Variants in NLRC5 observed in about 807,000 individuals in gnomAD.
The protein encoded by NLRC5 is protein NLRC5.
In NLRC5, 114 loss-of-function variants were observed where a neutral mutation model predicts 206.9. The ratio of observed to expected loss-of-function variants is 0.55; its 90% CI spans 0.47 to 0.64. The LOEUF is 0.64. NLRC5 is among the 30% of genes least tolerant of loss of function. The probability of loss-of-function intolerance (pLI) is 0.00; values close to 1 mark genes in which losing one functional copy is unlikely to be tolerated. For synonymous variants in NLRC5, 952 were observed against 962.8 expected, an observed-to-expected ratio of 0.99 and a Z score of 0.21; for missense variants, 2,008 against 2,305.5, an observed-to-expected ratio of 0.87 and a Z score of 2.64.
chr16:57,077,280 T>C lies in NLRC5; in HGVS notation c.4836-16T>C. ...TGAGACGGCAGAAGGCTGATGAAGC[T>C]GTTTTCTCCCCCAAGCTTGAGCCAC... On this transcript the variant is annotated splice_polypyrimidine_tract_variant and intron_variant, in intron 40 of 48. Coordinates refer to ENST00000688547, the MANE Select transcript of NLRC5 (RefSeq NM_001384950.1). 6.2e-7 allele frequency: 1 copy of C among 1,611,864 alleles called. No homozygotes were observed. Among genetic ancestry groups the C allele is most frequent in the Non-Finnish European group, 8.5e-7 (1 of 1,177,986 alleles).
At chr16:57,010,475 A>C (rs544340693) in intron 1 of NLRC5, among the ~76,000 whole-genome samples, 6 of 152,308 alleles carry the variant, frequency 3.9e-5, no homozygotes, top group African/African-American at 1.4e-4. Flanking sequence ...CCTGGGCTCA[A>C]GCAATCCTCT....
At position 57,057,975 on chromosome 16, in the gene NLRC5, T is replaced by C; in HGVS notation, c.3747-90T>C. 4.9e-6 allele frequency: 5 copies of C among 1,012,008 alleles called. No homozygotes were observed. The South Asian group carries it at 6.8e-5, about 14-fold the overall frequency. The allele number at this position is 1,012,008 out of a possible 1,614,324, so 62.7% of individuals were successfully genotyped here. On this transcript the variant is annotated intron_variant, in intron 27 of 48. Coordinates refer to ENST00000688547, the MANE Select transcript of NLRC5 (RefSeq NM_001384950.1). ...ACCCTGACATGGGGTCCAGTAGCAG[T>C]GACAGTGGATGCAGGCTCCTGGTGA...
intron 32 of NLRC5, among the ~76,000 whole-genome samples, chr16:57,063,745 CT>C (rs746703214): frequency 1.5e-4 from 22 of 147,300 alleles, no homozygotes; most frequent in Non-Finnish European, 2.0e-4. Context: ...CCCAAAATAA[CT>C]TTTTTTTTTT....
chr16:57,021,204 C>T, intron 3 of NLRC5, 197 bp downstream of exon 3: 1 of 557,020 alleles, frequency 1.8e-6, no homozygotes, highest in Non-Finnish European at 3.2e-6. Flanking sequence ...ACCCCTCCTT[C>T]TACCTGGCTT....
rs922213847 is a variant in NLRC5, at chr16:57,027,147, A to G, written c.2075+129A>G. 8.9e-6 allele frequency: 10 copies of G among 1,123,532 alleles called. No homozygotes were observed. The East Asian group carries it at 1.7e-4, about 20-fold the overall frequency. The allele number at this position is 1,123,532 out of a possible 1,614,324, so 69.6% of individuals were successfully genotyped here. A position where few individuals can be genotyped will look rare whatever the true frequency, so the allele number is the denominator to read the frequency against. ...GAATATCAGAACATAATGGCCTGCA[A>G]TGCAAGAGAGGAAGCTCCATACCTT... On this transcript the variant is annotated intron_variant, in intron 6 of 48. Coordinates refer to ENST00000688547, the MANE Select transcript of NLRC5 (RefSeq NM_001384950.1).
Position 57,061,448 on chromosome 16 carries a change from G to T in NLRC5, c.3987G>T (p.Arg1329Ser). Residue 1329 changes from arginine to serine, a missense_variant and splice_region_variant, in exon 31 of 49, where the codon AGG (arginine) becomes AGT (serine). Arg to Ser is a moderately radical substitution (Grantham distance 110, BLOSUM62 -1). Transcript: ENST00000688547. ...SREDQAGKTL[R>S]LSECSFRPEH... ...CTCTGCCCTGGCTTTCTGCCCTCAG[G>T]CTAAGTGAGTGCAGCTTCCGGCCAG... 1 of 1,611,020 alleles carries T rather than the reference G, an allele frequency of 6.2e-7. No homozygotes were observed.
intron 27 of NLRC5, 50 bp from the exon 28 acceptor site, chr16:57,058,015 A>AGGCTGAGGAGGCACCTCT (rs781690764): frequency 1.4e-6 from 2 of 1,452,396 alleles, no homozygotes; most frequent in South Asian, 2.3e-5. Flanking sequence ...GGAGCATCTC[A>AGGCTGAGGAGGCACCTCT]GGCTGAGGAG....
intron 15 of NLRC5, 34 bp downstream of exon 15, chr16:57,037,318 C>G (rs1343330015): frequency 2.5e-6 from 4 of 1,578,000 alleles, no homozygotes; most frequent in East Asian, 2.2e-5. Flanking sequence ...TACCCATCCC[C>G]CCCCCCATCA....
At chr16:56,996,001 C>A (rs564074265) in intron 1 of NLRC5, among the ~76,000 whole-genome samples, 33 of 152,138 alleles carry the variant, frequency 2.2e-4, no homozygotes, top group Non-Finnish European at 4.0e-4. Context: ...TTCTTCCAGA[C>A]TAGTGAAAGA....
At chr16:57,006,054 G>T (rs2058862570) in intron 1 of NLRC5, among the ~76,000 whole-genome samples, 1 of 151,814 alleles carries the variant, frequency 6.6e-6, no homozygotes. Context: ...CTGGAGTGCA[G>T]GGATGCAATC....
At chr16:57,052,619 A>G (rs945124854) in intron 24 of NLRC5, 9 of 152,206 alleles carry the variant, frequency 5.9e-5, no homozygotes, top group African/African-American at 2.2e-4. Flanking sequence ...TGTTAATAAC[A>G]TCGGTGCAAA....
At chr16:57,024,102 C>T (rs117888608) in intron 5 of NLRC5, among the ~76,000 whole-genome samples, 1 of 152,232 alleles carries the variant, frequency 6.6e-6, no homozygotes, top group Non-Finnish European at 1.5e-5. Context: ...GCTGAAGGAG[C>T]TGGAAGCACC....
chr16:57,035,144 G>A (rs368689112), intron 13 of NLRC5, among the ~76,000 whole-genome samples: 8 of 152,240 alleles, frequency 5.3e-5, no homozygotes, highest in South Asian at 2.1e-4. Context: ...GCCTGGTTAC[G>A]CAGCCACCTC....
At chr16:57,015,944 A>AAAAAAAAAAAAAAAAG (rs1567531360) in intron 1 of NLRC5, among the ~76,000 whole-genome samples, 1 of 120,176 alleles carries the variant, frequency 8.3e-6, no homozygotes, top group Non-Finnish European at 1.8e-5. Flanking sequence ...AAAAAAAAAA[A>AAAAAAAAAAAAAAAAG]AAAAGAAAGA....
At position 57,009,020 on chromosome 16, in the gene NLRC5, C is replaced by T. The variant is rs192123195; in HGVS notation, c.-127-8054C>T. Among the ~76,000 whole-genome samples the T allele has an allele frequency of 3.3e-3, 503 of 152,262 alleles. 2 individuals carry two copies. Among genetic ancestry groups the T allele is most frequent in the African/African-American group, 0.011 (462 of 41,548 alleles). On this transcript the variant is annotated intron_variant, in intron 1 of 48. Transcript: ENST00000688547. ...AAATTATAAGAAAATAGGCCGTGCA[C>T]GGTGGCTCACGCCTGTAATCCCAGC...
At chr16:57,042,306 C>A (rs1367651566) in intron 19 of NLRC5, among the ~76,000 whole-genome samples, 1 of 152,222 alleles carries the variant, frequency 6.6e-6, no homozygotes, top group Non-Finnish European at 1.5e-5. Flanking sequence ...GTCTCCGCAT[C>A]TCTGAACAGG....
In NLRC5 at chr16:57,026,600, G is replaced by T; in HGVS notation, c.1657G>T (p.Ala553Ser). Residue 553 changes from alanine to serine, a missense_variant, in exon 6 of 49, where the codon GCT becomes TCT. Coordinates refer to ENST00000688547, the MANE Select transcript of NLRC5 (RefSeq NM_001384950.1). ...TTCCCGCTGGGTACAGCGGACCAAA[G>T]CTAGACTGGGCCTCTCAGACCACCT... ...LHSRWVQRTK[A>S]RLGLSDHLPT... 6.2e-7 allele frequency: 1 copy of T among 1,614,198 alleles called. No individual in the cohort carries two copies. The highest frequency in any genetic ancestry group is 8.5e-7 in the Non-Finnish European group (1 of 1,180,042).
chr16:57,055,009 G>C, intron 25 of NLRC5, 23 bp from the exon 26 acceptor site: 2 of 1,614,120 alleles, frequency 1.2e-6, no homozygotes, highest in Non-Finnish European at 1.7e-6. Flanking sequence ...ACAGCTGTCT[G>C]ACCCAGGTCC....
intron 30 of NLRC5, 26 bp downstream of exon 30, chr16:57,059,558 G>T: frequency 6.3e-7 from 1 of 1,589,432 alleles, no homozygotes; most frequent in African/African-American, 1.3e-5. Context: ...TGATGGGACA[G>T]GGGACAGAGA....
Sources: gnomAD v4.1 joint callset for allele counts (sites outside exome capture counted in the v4.1 genomes callset) on GRCh38, gnomAD v4.1.1 for gene constraint, MANE v1.5 for transcripts, NCBI Gene and HGNC (gene_info 2026-07-23, HGNC 2026-07-21) for gene names.